The following ATG2A variants were observed in gnomAD, a reference collection of about 807,000 sequenced individuals.
ATG2A encodes autophagy-related protein 2 homolog A.
A neutral mutation model predicts 214.2 loss-of-function variants in ATG2A; 103 were observed. That is an observed-to-expected ratio of 0.48 (90% confidence interval 0.41 to 0.57). The LOEUF is 0.57. ATG2A is among the 20% of genes least tolerant of loss of function. The pLI is 0.00. For synonymous variants in ATG2A, 1,160 were observed against 1,142.1 expected, an observed-to-expected ratio of 1.02 and a Z score of -0.32; for missense variants, 2,312 against 2,613.2, an observed-to-expected ratio of 0.88 and a Z score of 2.51.
rs560284631 is a variant in ATG2A, at chr11:64,909,569, G to T, written c.2107+112C>A. ...GCTGGGACCCCAAGAGCTGGTAAAG[G>T]CCTGGGCCAGGGACTGCTCGGGTTG... On this transcript the variant is annotated intron_variant, in intron 14 of 40. Transcript: ENST00000377264. 265 of 1,527,204 alleles carry T rather than the reference G, an allele frequency of 1.7e-4. 1 individual carries two copies. In the South Asian group the frequency reaches 2.7e-3, roughly 16 times the overall value. 94.6% of individuals were successfully genotyped at this position (1,527,204 alleles called of 1,614,324 possible).
Position 64,909,282 on chromosome 11 carries a change from G to C in ATG2A, c.2193C>G (p.Tyr731Ter). The change falls in exon 15 of 41, where the codon TAC becomes TAG. Residue 731 changes from tyrosine (Y) to a stop codon, truncating the protein, a stop_gained. Coordinates refer to ENST00000377264, the MANE Select transcript of ATG2A (RefSeq NM_015104.3). LOFTEE classifies it high-confidence loss of function. ...GAGCCCCTACTTACTGGGGCAGGAA[G>C]TACTTGCGCCCAGTGCTCTTGGGGT... Reference protein sequence around the residue: ...ALDPKSTGRKYFLPQVVVTVN... With the variant: ...ALDPKSTGRK The C allele has an allele frequency of 6.2e-7, 1 of 1,613,698 alleles. No individual in the cohort carries two copies. Among genetic ancestry groups the C allele is most frequent in the Non-Finnish European group, 8.5e-7 (1 of 1,179,984 alleles).
At chr11:64,914,529 T>A in intron 1 of ATG2A, 29 bp from the exon 2 acceptor site, 1 of 1,605,896 alleles carries the variant, frequency 6.2e-7, no homozygotes, top group Non-Finnish European at 8.5e-7. Context: ...CAAAACCAGC[T>A]CAGGGAAACC....
At position 64,906,806 on chromosome 11, in the gene ATG2A, C is replaced by G. The variant is rs11827140; in HGVS notation, c.2842G>C (p.Gly948Arg). ...TALCETKDEG[G>R]KRLEAVHGEL... ...CCGTGCACAGCCTCCAGCCGCTTCC[C>G]ACCCTCATCCTGCAGAAGGAGCACA... Residue 948 changes from glycine to arginine, a missense_variant, in exon 20 of 41, where the codon GGG becomes CGG. By Grantham distance (125) the Gly-to-Arg change is moderately radical (BLOSUM62 -2). Transcript: ENST00000377264. 914 of 1,612,946 alleles carry G rather than the reference C, an allele frequency of 5.7e-4. 9 individuals are homozygous for G. The African/African-American group carries it at 9.3e-3, about 16-fold the overall frequency.
At chr11:64,912,751 G>A (rs1375176986) in intron 6 of ATG2A, 2 of 448,378 alleles carry the variant, frequency 4.5e-6, no homozygotes, top group East Asian at 4.4e-5. Flanking sequence ...GTGCCACCAC[G>A]CCTGGCTAAT....
intron 37 of ATG2A, chr11:64,897,103 C>T (rs1481472597): frequency 1.1e-5 from 7 of 660,024 alleles, no homozygotes; most frequent in South Asian, 6.2e-5. Flanking sequence ...TCACTGCAAC[C>T]GCCTCCCAGG....
intron 29 of ATG2A, 140 bp from the exon 30 acceptor site, chr11:64,901,232 G>T: frequency 1.3e-6 from 1 of 799,862 alleles, no homozygotes; most frequent in Admixed American, 3.0e-5. Context: ...CACCCAGGCT[G>T]GAGTGCAGTG....
chr11:64,897,272 G>T, intron 37 of ATG2A, 140 bp downstream of exon 37: 1 of 1,006,210 alleles, frequency 9.9e-7, no homozygotes, highest in Non-Finnish European at 1.5e-6. Flanking sequence ...ATCATGCCCA[G>T]CCAACTGCGT....
Position 64,909,830 on chromosome 11 carries a change from C to A in ATG2A, c.1958G>T (p.Arg653Leu). Residue 653 changes from arginine to leucine, a missense_variant, in exon 14 of 41, where the codon CGG (arginine) becomes CTG (leucine). Coordinates refer to ENST00000377264, the MANE Select transcript of ATG2A (RefSeq NM_015104.3). ...GCCCGCCCAGGGGTCCGGCTCAGGC[C>A]GCAGGTCGGCAATGGGGAAGCGCAG... ...LRLRFPIADL[R>L]PEPDPWAGQA... 6.2e-7 allele frequency: 1 copy of A among 1,610,802 alleles called. No individual in the cohort carries two copies. The highest frequency in any genetic ancestry group is 8.5e-7 in the Non-Finnish European group (1 of 1,179,244).
chr11:64,907,179 C>A, intron 19 of ATG2A, 76 bp downstream of exon 19: 1 of 1,421,146 alleles, frequency 7.0e-7, no homozygotes. Flanking sequence ...TGACCTGGAG[C>A]TGCTCGCGCT....
In ATG2A at chr11:64,913,189, T is replaced by C. The variant is rs1030799439; in HGVS notation, c.727-53A>G. The C allele has an allele frequency of 3.7e-6, 6 of 1,606,840 alleles. No homozygotes were observed. The highest frequency in any genetic ancestry group is 1.1e-5 in the South Asian group (1 of 90,030). On this transcript the variant is annotated intron_variant, in intron 5 of 40. Transcript: ENST00000377264. The surrounding 1 kb of genome is among the most constrained non-coding windows in gnomAD (Gnocchi z 4.3). ...AAGGTTGAGAAAATGGAGTCAGAGA[T>C]GGTCAGAAAGGATGGGAGGGGCTCA...
At chr11:64,907,010 G>A (rs561666482) in intron 19 of ATG2A, among the ~76,000 whole-genome samples, 195 bp from the exon 20 acceptor site, 8 of 152,342 alleles carry the variant, frequency 5.3e-5, no homozygotes, top group South Asian at 2.1e-4. Flanking sequence ...CTGCCCGCTC[G>A]GAGTGGGAAC....
chr11:64,901,198 A>T, intron 29 of ATG2A, 106 bp from the exon 30 acceptor site: 1 of 1,142,472 alleles, frequency 8.8e-7, no homozygotes. Context: ...TTTTTTTTAT[A>T]GACAGGGTCG....
rs766183415 is a variant in ATG2A at position 64,896,501 on chromosome 11, G to T, written c.5388C>A (p.Ala1796=). The T allele has an allele frequency of 4.3e-6, 7 of 1,613,848 alleles. No homozygotes were observed. The highest frequency in any genetic ancestry group is 1.6e-4 in the Middle Eastern group (1 of 6,062). Residue 1796 remains alanine, a synonymous_variant, in exon 39 of 41, where the codon GCC becomes GCA. Coordinates refer to ENST00000377264, the MANE Select transcript of ATG2A (RefSeq NM_015104.3). ...AASFGSSTAS[A]ALELSNRLVQ... ...CCAACCGGTTGCTGAGTTCCAGGGC[G>T]GCAGAGGCTGTGGATGAGCCAAAGG...
At position 64,900,878 on chromosome 11, in the gene ATG2A, C is replaced by T. The variant is rs1158125008; in HGVS notation, c.4328+6G>A. The T allele has an allele frequency of 2.6e-6, 4 of 1,553,442 alleles. No individual in the cohort carries two copies. The highest frequency in any genetic ancestry group is 3.5e-6 in the Non-Finnish European group (4 of 1,149,324). On this transcript the variant is annotated splice_donor_region_variant and intron_variant, in intron 30 of 40. Coordinates refer to ENST00000377264, the MANE Select transcript of ATG2A (RefSeq NM_015104.3). ...CCAGCTGCCACCTGCACCCGCTCCT[C>T]CTCACCTGTGGCCGGGGTGGGGGCC...
At position 64,900,683 on chromosome 11, in the gene ATG2A, G is replaced by A. The variant is rs184407036; in HGVS notation, c.4329-54C>T. 1.3e-4 allele frequency: 194 copies of A among 1,518,644 alleles called. No homozygotes were observed. In the Middle Eastern group the frequency reaches 1.8e-3, roughly 14 times the overall value. The allele number at this position is 1,518,644 out of a possible 1,614,324, so 94.1% of individuals were successfully genotyped here. A position where few individuals can be genotyped will look rare whatever the true frequency, so the allele number is the denominator to read the frequency against. On this transcript the variant is annotated intron_variant, in intron 30 of 40. Transcript: ENST00000377264. ...CTCAGAGGAACCCCATTCCCTCCCC[G>A]TCCTCAGCGGGCCTTTTAGCCTGGG...
Position 64,912,251 on chromosome 11 carries a change from T to G in ATG2A, c.923-2A>C. 1 of 1,612,616 alleles carries G rather than the reference T, an allele frequency of 6.2e-7. No individual in the cohort carries two copies. The highest frequency in any genetic ancestry group is 8.5e-7 in the Non-Finnish European group (1 of 1,179,242). On this transcript the variant is annotated splice_acceptor_variant, in intron 7 of 40. Transcript: ENST00000377264. LOFTEE classifies it high-confidence loss of function. ...GCTTGTCAGCCAGGCCCTCGTGGTC[T>G]GCAGGGGAGGAGACTTCAGTCTGGG... is the stretch of plus-strand genomic sequence containing the variant.
chr11:64,913,054 G>T lies in ATG2A; in HGVS notation c.809C>A (p.Ala270Asp). The change falls in exon 6 of 41, where the codon GCC (alanine) becomes GAC (aspartate). Residue 270 changes from alanine (A) to aspartate (D), a missense_variant. Coordinates refer to ENST00000377264, the MANE Select transcript of ATG2A (RefSeq NM_015104.3). The surrounding 1 kb of genome is among the most constrained non-coding windows in gnomAD (Gnocchi z 4.3). ...ELMVKLKQNE[A>D]FPGPKLEVAG... is the part of the protein sequence containing the mutation. ...GGGACCCACCTTGGGGCCAGGGAAG[G>T]CCTCATTTTGCTTCAACTTCACCAT... The T allele has an allele frequency of 6.4e-7, 1 of 1,561,930 alleles. No homozygotes were observed. The highest frequency in any genetic ancestry group is 1.4e-5 in the African/African-American group (1 of 73,536).
intron 27 of ATG2A, 28 bp from the exon 28 acceptor site, chr11:64,902,414 G>T: frequency 6.5e-7 from 1 of 1,541,538 alleles, no homozygotes; most frequent in Non-Finnish European, 8.8e-7. Context: ...GGAGCAATGA[G>T]TGAGACAGGA....
In ATG2A at chr11:64,898,394, C is replaced by T. The variant is rs1216438782; in HGVS notation, c.4672-32G>A. On this transcript the variant is annotated intron_variant, in intron 32 of 40. Coordinates refer to ENST00000377264, the MANE Select transcript of ATG2A (RefSeq NM_015104.3). The surrounding 1 kb of genome is among the most constrained non-coding windows in gnomAD (Gnocchi z 4.5). The stretch of plus-strand genomic sequence containing the variant: ...GCAGAGGGTGAGTTCTGGACACCTG[C>T]TGGGCCTCTGGGGCAGCAGCTCACC... 1.3e-6 allele frequency: 2 copies of T among 1,533,018 alleles called. No individual in the cohort carries two copies. The highest frequency in any genetic ancestry group is 2.4e-5 in the South Asian group (2 of 83,042). 95.0% of individuals were successfully genotyped at this position (1,533,018 alleles called of 1,614,324 possible). A position where few individuals can be genotyped will look rare whatever the true frequency, so the allele number is the denominator to read the frequency against.
Sources: allele counts gnomAD v4.1 joint callset (sites outside exome capture counted in the v4.1 genomes callset), GRCh38; gene constraint gnomAD v4.1.1; non-coding constraint Gnocchi (gnomAD v3.1); transcripts MANE v1.5; gene names NCBI Gene and HGNC (gene_info 2026-07-23, HGNC 2026-07-21).